Variants in ADGRL2 observed in about 807,000 individuals in gnomAD.
The protein encoded by ADGRL2 is calcium-independent alpha-latrotoxin receptor 2.
In ADGRL2, 44 loss-of-function variants were observed where a neutral mutation model predicts 157.4. The observed-to-expected ratio is 0.28, with a 90% CI of 0.22 to 0.36. The LOEUF is 0.36. Ranked by LOEUF, ADGRL2 falls within the 10% of genes least tolerant of loss-of-function variation. The pLI is 1.00. For synonymous variants in ADGRL2, 585 were observed against 624.7 expected (o/e 0.94, Z 0.95); for missense variants, 1,510 against 1,768.9 (o/e 0.85, Z 2.63).
Position 81,964,995 on chromosome 1 carries a change from T to C in ADGRL2, c.2018-1063T>C, listed in dbSNP as rs1418541945. ...TAATGTAAAATAATTACAATCTGTATTGTGATTCCCAGCAGACAGTAAACA... is the reference window on the plus strand; with the variant it reads ...TAATGTAAAATAATTACAATCTGTACTGTGATTCCCAGCAGACAGTAAACA... On this transcript the variant is annotated intron_variant, in intron 11 of 23. Transcript: ENST00000686636. 2.6e-5 allele frequency among the ~76,000 whole-genome samples: 4 copies of C among 152,152 alleles called. No individual in the cohort carries two copies. The South Asian group carries it at 6.2e-4, about 24-fold the overall frequency.
intron 2 of ADGRL2, among the ~76,000 whole-genome samples, chr1:81,492,992 A>G (rs1557732466): frequency 1.3e-5 from 2 of 152,228 alleles, no homozygotes; most frequent in African/African-American, 4.8e-5. Context: ...TTTAAAATCT[A>G]GGAGCAAATA....
chr1:81,626,047 C>G (rs1329100657), intron 3 of ADGRL2, among the ~76,000 whole-genome samples: 1 of 152,170 alleles, frequency 6.6e-6, no homozygotes, highest in African/African-American at 2.4e-5. Flanking sequence ...AGTGACACAC[C>G]TACCGAATGA....
At chr1:81,620,832 T>C (rs963924078) in intron 3 of ADGRL2, among the ~76,000 whole-genome samples, 1 of 152,128 alleles carries the variant, frequency 6.6e-6, no homozygotes, top group African/African-American at 2.4e-5. Context: ...TAGGAAGAAA[T>C]TAGTATTCAC....
At chr1:81,893,999 C>T (rs1015159506) in intron 2 of ADGRL2, among the ~76,000 whole-genome samples, 4 of 152,130 alleles carry the variant, frequency 2.6e-5, no homozygotes, top group African/African-American at 7.2e-5. Context: ...AACCTTCATA[C>T]GAATTTTGGG....
chr1:81,670,646 G>A (rs2082856130), intron 3 of ADGRL2, among the ~76,000 whole-genome samples: 1 of 152,218 alleles, frequency 6.6e-6, no homozygotes, highest in Non-Finnish European at 1.5e-5. Flanking sequence ...AGGAGAGGGA[G>A]AAGGAATTAC....
intron 8 of ADGRL2, 116 bp downstream of exon 8, chr1:81,951,237 G>GT (rs1301964133): frequency 1.6e-6 from 1 of 643,648 alleles, no homozygotes; most frequent in African/African-American, 1.8e-5. Flanking sequence ...CAGTATAAAA[G>GT]TAAAAAAAAA....
chr1:81,818,343 C>T (rs1482020083), intron 1 of ADGRL2, among the ~76,000 whole-genome samples: 1 of 152,094 alleles, frequency 6.6e-6, no homozygotes, highest in Non-Finnish European at 1.5e-5. Context: ...TAATTCACAG[C>T]ATTTATAATG....
intron 3 of ADGRL2, among the ~76,000 whole-genome samples, chr1:81,627,978 C>T: frequency 6.6e-6 from 1 of 152,194 alleles, no homozygotes. Context: ...CCTGAAGAGC[C>T]AGGCTTATAG....
At chr1:81,426,729 C>A in intron 1 of ADGRL2, 3 of 468,406 alleles carry the variant, frequency 6.4e-6, no homozygotes, top group Middle Eastern at 1.5e-3. Flanking sequence ...GTGGATGCAA[C>A]AACATGTGCT....
chr1:81,407,578 C>A (rs2076875277), intron 1 of ADGRL2, among the ~76,000 whole-genome samples: 1 of 152,200 alleles, frequency 6.6e-6, no homozygotes, highest in Non-Finnish European at 1.5e-5. Context: ...TTCTCTTAAA[C>A]CTGATCTCAT....
At chr1:81,941,217 T>C (rs550758657) in intron 4 of ADGRL2, among the ~76,000 whole-genome samples, 180 of 151,308 alleles carry the variant, frequency 1.2e-3, no homozygotes, top group African/African-American at 4.0e-3. Flanking sequence ...GTTTGAGATA[T>C]ATAATATAGA....
chr1:81,951,867 T>A, intron 8 of ADGRL2, 90 bp from the exon 9 acceptor site: 1 of 1,013,598 alleles, frequency 9.9e-7, no homozygotes, highest in African/African-American at 1.7e-5. Context: ...TTCGCAAATT[T>A]TTTTCACCAC....
chr1:81,502,100 G>C, intron 2 of ADGRL2: 1 of 1,596,032 alleles, frequency 6.3e-7, no homozygotes, highest in Non-Finnish European at 8.5e-7. Flanking sequence ...GGATGATGAA[G>C]TTGCAGAGGT....
At position 81,501,811 on chromosome 1, in the gene ADGRL2, A is replaced by AGCAGCAGCAG. The variant is rs57360565; in HGVS notation, c.-248+56722_-248+56723insGCAGCAGCAG. On this transcript the variant is annotated intron_variant, in intron 2 of 24. Transcript: ENST00000370721. ...AGCAGCAGCAGCAGCAGCAGCAGCA[A>AGCAGCAGCAG]CAGCAGCAGCAACAGAAGCAGCCAC... The AGCAGCAGCAG allele has an allele frequency of 6.5e-3, 10,066 of 1,555,700 alleles. 38 individuals are homozygous for AGCAGCAGCAG. Among genetic ancestry groups the AGCAGCAGCAG allele is most frequent in the East Asian group, 0.013 (535 of 42,170 alleles).
chr1:81,877,717 G>T (rs961035770), intron 2 of ADGRL2, among the ~76,000 whole-genome samples: 2 of 149,492 alleles, frequency 1.3e-5, no homozygotes, highest in South Asian at 4.2e-4. Flanking sequence ...TAAAAAAAAA[G>T]CCTAACTTGC....
chr1:81,439,517 C>A (rs1402894544), intron 1 of ADGRL2, among the ~76,000 whole-genome samples: 1 of 152,214 alleles, frequency 6.6e-6, no homozygotes, highest in Non-Finnish European at 1.5e-5. Flanking sequence ...CAGGGTCAAT[C>A]CCTTGCAGGA....
At chr1:81,823,830 C>T (rs1222056222) in intron 1 of ADGRL2, among the ~76,000 whole-genome samples, 1 of 151,890 alleles carries the variant, frequency 6.6e-6, no homozygotes, top group African/African-American at 2.4e-5. Context: ...GAGTAAGCTT[C>T]TATGACCCAA....
At chr1:81,431,180 G>A (rs1423342189) in intron 1 of ADGRL2, among the ~76,000 whole-genome samples, 1 of 152,078 alleles carries the variant, frequency 6.6e-6, no homozygotes, top group African/African-American at 2.4e-5. Flanking sequence ...AGGGATATCC[G>A]TGTTTGCTTT....
intron 2 of ADGRL2, among the ~76,000 whole-genome samples, chr1:81,844,102 A>G (rs1320131465): frequency 6.6e-6 from 1 of 152,200 alleles, no homozygotes; most frequent in African/African-American, 2.4e-5. Flanking sequence ...AGACCATATC[A>G]AATATTTAGT....
Sources: gnomAD v4.1 joint callset for allele counts (sites outside exome capture counted in the v4.1 genomes callset) on GRCh38, gnomAD v4.1.1 for gene constraint, MANE v1.5 for transcripts, NCBI Gene and HGNC (gene_info 2026-07-23, HGNC 2026-07-21) for gene names.